SH3RF2: variants seen among roughly 807,000 people sequenced by gnomAD.
The protein encoded by SH3RF2 is E3 ubiquitin-protein ligase SH3RF2.
In SH3RF2, 43 loss-of-function variants were observed where a neutral mutation model predicts 59.0. That is an observed-to-expected ratio of 0.73 (90% CI 0.57 to 0.94). The LOEUF (loss-of-function observed/expected upper bound fraction) is 0.94, where lower values mean the gene tolerates loss of function less well. Among genes scored for constraint, SH3RF2 ranks in the 40% least tolerant of loss-of-function variants. The pLI, the probability that SH3RF2 is intolerant of heterozygous loss-of-function variation, is 0.00. For missense variants in SH3RF2, 930 were observed against 940.1 expected (o/e 0.99, Z 0.14); for synonymous variants, 391 against 391.5 (o/e 1.00, Z 0.01).
At chr5:145,954,658 G>A (rs1003446230) in intron 2 of SH3RF2, among the ~76,000 whole-genome samples, 2 of 152,124 alleles carry the variant, frequency 1.3e-5, no homozygotes, top group African/African-American at 4.8e-5. Context: ...TATTACCTAG[G>A]TTGTCTTCCA....
intron 9 of SH3RF2, among the ~76,000 whole-genome samples, chr5:146,068,540 T>C (rs114730276): frequency 2.0e-4 from 31 of 152,338 alleles, no homozygotes; most frequent in African/African-American, 7.5e-4. Context: ...ACTTAGGGAA[T>C]GTGTTTGGCA....
Position 146,040,813 on chromosome 5 carries a change from G to A in SH3RF2, c.1060-6959G>A, listed in dbSNP as rs188331069. Among the ~76,000 whole-genome samples the A allele has an allele frequency of 7.8e-4, 118 of 152,256 alleles. 3 individuals are homozygous for A. The highest frequency in any genetic ancestry group is 6.5e-3 in the Admixed American group (99 of 15,290). On this transcript the variant is annotated intron_variant, in intron 5 of 9. Coordinates refer to ENST00000359120, the MANE Select transcript of SH3RF2 (RefSeq NM_152550.4). Reference sequence around the variant, plus strand: ...AGGCAGGGCTGGCTCTGAAATAGGCGTAGATAGAGAAGGGCTGATAGCCTC... The same window carrying A: ...AGGCAGGGCTGGCTCTGAAATAGGCATAGATAGAGAAGGGCTGATAGCCTC...
chr5:146,058,802 G>C (rs750256065), intron 8 of SH3RF2, among the ~76,000 whole-genome samples: 1 of 151,796 alleles, frequency 6.6e-6, no homozygotes. Flanking sequence ...CAATGGATGG[G>C]GATCTCCTGC....
chr5:146,009,127 T>C (rs956039649), intron 4 of SH3RF2, among the ~76,000 whole-genome samples: 3 of 152,234 alleles, frequency 2.0e-5, no homozygotes, highest in Non-Finnish European at 4.4e-5. Flanking sequence ...AAGTTTTCAT[T>C]TCTCTTAGGT....
intron 4 of SH3RF2, among the ~76,000 whole-genome samples, chr5:146,013,480 C>T (rs1305586690): frequency 6.6e-6 from 1 of 152,178 alleles, no homozygotes; most frequent in South Asian, 2.1e-4. Context: ...GGAAGAGCAT[C>T]ATGGCTTATT....
At chr5:146,001,944 G>A (rs1760433434) in intron 3 of SH3RF2, among the ~76,000 whole-genome samples, 1 of 152,212 alleles carries the variant, frequency 6.6e-6, no homozygotes, top group Admixed American at 6.5e-5. Context: ...CCTTCCCAAA[G>A]CTGTTCTTTT....
chr5:146,079,113 A>G (rs2150030836), exon 10 of SH3RF2: 1 of 152,256 alleles, frequency 6.6e-6, no homozygotes, highest in African/African-American at 2.4e-5. Context: ...CCTGGTACAT[A>G]AAGAGTCTCA....
intron 2 of SH3RF2, among the ~76,000 whole-genome samples, chr5:145,963,236 CTGGATGAATGGATGGATGGA>C (rs1421954353): frequency 7.0e-6 from 1 of 143,078 alleles, no homozygotes; most frequent in South Asian, 2.3e-4. Context: ...AAAATAAATA[CTGGATGAATGGATGGATGGA>C]TGGATGGATG....
chr5:146,066,096 G>A (rs1235209245), downstream of SH3RF2, among the ~76,000 whole-genome samples: 4 of 152,222 alleles, frequency 2.6e-5, no homozygotes, highest in Non-Finnish European at 5.9e-5. Context: ...AAGCTTGAAA[G>A]TTAACCACAG....
chr5:146,016,402 GGATA>G (rs1489858148), intron 5 of SH3RF2, among the ~76,000 whole-genome samples: 16 of 148,062 alleles, frequency 1.1e-4, no homozygotes, highest in Admixed American at 3.4e-4. Context: ...ATGGATGGAT[GGATA>G]GATGATTGAT....
intron 2 of SH3RF2, among the ~76,000 whole-genome samples, chr5:145,999,797 A>G (rs1760323504): frequency 6.6e-6 from 1 of 152,150 alleles, no homozygotes; most frequent in Non-Finnish European, 1.5e-5. Flanking sequence ...AGCAGATATA[A>G]TAATAATGAA....
chr5:145,961,974 T>A (rs1758648020), intron 2 of SH3RF2, among the ~76,000 whole-genome samples: 1 of 152,192 alleles, frequency 6.6e-6, no homozygotes, highest in Non-Finnish European at 1.5e-5. Context: ...ACCTACCGCT[T>A]TCTTCATTCC....
At chr5:145,955,619 C>T (rs1397801371) in intron 2 of SH3RF2, among the ~76,000 whole-genome samples, 21 of 152,124 alleles carry the variant, frequency 1.4e-4, no homozygotes, top group Admixed American at 1.4e-3. Context: ...AAATGAGCTT[C>T]CAGTACCAAA....
chr5:146,060,118 A>G lies in SH3RF2; in HGVS notation c.1808A>G (p.Glu603Gly). The G allele has an allele frequency of 6.2e-7, 1 of 1,614,086 alleles. No individual in the cohort carries two copies. The highest frequency in any genetic ancestry group is 8.5e-7 in the Non-Finnish European group (1 of 1,179,984). Residue 603 changes from glutamate (E) to glycine (G), a missense_variant, in exon 9 of 10, where the codon GAA becomes GGA. Transcript: ENST00000359120. ...TCCGCGGCCAGCTCCCTCATTATGG[A>G]AGACAAAGAAATCCCCATCAAGAGT... ...IHSAASSLIM[E>G]DKEIPIKSEP... is the part of the protein sequence containing the mutation.
At chr5:146,017,268 G>T (rs1580866156) in intron 5 of SH3RF2, among the ~76,000 whole-genome samples, 1 of 152,192 alleles carries the variant, frequency 6.6e-6, no homozygotes, top group East Asian at 1.9e-4. Context: ...TAAGTGGGTG[G>T]ATTGAAACCA....
At chr5:146,050,382 G>T (rs1762454527) in intron 7 of SH3RF2, among the ~76,000 whole-genome samples, 1 of 152,184 alleles carries the variant, frequency 6.6e-6, no homozygotes, top group Non-Finnish European at 1.5e-5. Flanking sequence ...CAGGCTAGCT[G>T]GTGAGGTGGT....
intron 2 of SH3RF2, among the ~76,000 whole-genome samples, chr5:145,947,867 C>T (rs1407291449): frequency 6.6e-6 from 1 of 152,110 alleles, no homozygotes; most frequent in African/African-American, 2.4e-5. Flanking sequence ...TTATGTAAAC[C>T]ACATACTACT....
intron 2 of SH3RF2, among the ~76,000 whole-genome samples, chr5:145,941,125 G>A (rs139858462): frequency 6.6e-6 from 1 of 152,288 alleles, no homozygotes; most frequent in East Asian, 1.9e-4. Context: ...AGGACTTGCC[G>A]ATAACCTGGC....
intron 4 of SH3RF2, among the ~76,000 whole-genome samples, chr5:146,007,170 A>C (rs980729058): frequency 6.6e-6 from 1 of 152,184 alleles, no homozygotes; most frequent in Non-Finnish European, 1.5e-5. Context: ...TTAAGTGACC[A>C]GGTTTGGATT....
Sources: allele counts gnomAD v4.1 joint callset (sites outside exome capture counted in the v4.1 genomes callset), GRCh38; gene constraint gnomAD v4.1.1; transcripts MANE v1.5; gene names NCBI Gene and HGNC (gene_info 2026-07-23, HGNC 2026-07-21).